Variants in DNAH3 observed in about 807,000 individuals in gnomAD.
DNAH3 encodes the protein dynein axonemal heavy chain 3, also known as axonemal beta dynein heavy chain 3.
In DNAH3, 332 loss-of-function variants were observed where a neutral mutation model predicts 432.5. The observed-to-expected ratio is 0.77, with a 90% CI of 0.70 to 0.84. The LOEUF (loss-of-function observed/expected upper bound fraction) is 0.84. Among genes scored for constraint, DNAH3 ranks in the 40% least tolerant of loss-of-function variants. DNAH3 has a pLI of 0.00. For missense variants in DNAH3, 4,861 were observed against 5,114.0 expected (o/e 0.95, Z 1.51); for synonymous variants, 1,956 against 1,900.2 (o/e 1.03, Z -0.76).
At chr16:21,099,284 G>C (rs912057307) in intron 16 of DNAH3, among the ~76,000 whole-genome samples, 1 of 149,380 alleles carries the variant, frequency 6.7e-6, no homozygotes, top group Non-Finnish European at 1.5e-5. Flanking sequence ...ACAGATGGAT[G>C]GATGGATGAA....
At chr16:21,107,841 A>G (rs1300741337) in intron 14 of DNAH3, among the ~76,000 whole-genome samples, 1 of 151,868 alleles carries the variant, frequency 6.6e-6, no homozygotes, top group African/African-American at 2.4e-5. Context: ...TAGTTTTGTT[A>G]TTATTACTTG....
chr16:21,084,105 C>T (rs1035188631), intron 19 of DNAH3, among the ~76,000 whole-genome samples: 3 of 152,064 alleles, frequency 2.0e-5, no homozygotes, highest in African/African-American at 4.8e-5. Context: ...CCCTTTCCCA[C>T]CACCAACTAG....
At chr16:20,994,112 C>G (rs2086666014) in intron 44 of DNAH3, among the ~76,000 whole-genome samples, 1 of 151,922 alleles carries the variant, frequency 6.6e-6, no homozygotes, top group African/African-American at 2.4e-5. Flanking sequence ...CTCTCAAATC[C>G]TTTTAATCCT....
At position 21,147,051 on chromosome 16, in the gene DNAH3, C is replaced by T. The variant is rs147360333; in HGVS notation, c.118-963G>A. Among the ~76,000 whole-genome samples the T allele has an allele frequency of 4.3e-3, 651 of 152,196 alleles. 1 individual carries two copies. The highest frequency in any genetic ancestry group is 7.3e-3 in the Non-Finnish European group (494 of 68,022). ...CTGGGATTACAGGCATGAGCCACCACGCCCGGCCCCTGCTTCATTTTTTAA... is the reference window on the plus strand; with the variant it reads ...CTGGGATTACAGGCATGAGCCACCATGCCCGGCCCCTGCTTCATTTTTTAA... On this transcript the variant is annotated intron_variant, in intron 1 of 61. Coordinates refer to ENST00000261383, the Ensembl canonical transcript of DNAH3.
rs941289345 is a variant in DNAH3 at position 21,067,379 on chromosome 16, C to T, written c.3422G>A (p.Arg1141Gln). 11 of 1,613,826 alleles carry T rather than the reference C, an allele frequency of 6.8e-6. No homozygotes were observed. Among genetic ancestry groups the T allele is most frequent in the African/African-American group, 6.7e-5 (5 of 74,902 alleles). ...GGCTTCTTGAAGCTTCTCTGCCATC[C>T]GTGGCTGGTCGGCTGCCACCAGAAT... Residue 1141 changes from arginine (R) to glutamine (Q), a missense_variant, in exon 24 of 62, where the codon CGG (arginine) becomes CAG (glutamine). Coordinates refer to ENST00000261383, the Ensembl canonical transcript of DNAH3.
At position 21,009,893 on chromosome 16, in the gene DNAH3, A is replaced by AAGAGG. The variant is rs35449316; in HGVS notation, c.6023-6691_6023-6687dup. Among the ~76,000 whole-genome samples the AAGAGG allele has an allele frequency of 1.6e-3, 193 of 117,280 alleles. 1 individual carries two copies. The highest frequency in any genetic ancestry group is 5.6e-3 in the African/African-American group (150 of 26,888). The allele number at this position is 117,280 out of a possible 152,430, so 76.9% of individuals were successfully genotyped here. A position where few individuals can be genotyped will look rare whatever the true frequency, so the allele number is the denominator to read the frequency against. ...GAATGAGGCTCTGTCAAGAAAAGAAAAGAGGAGAGGAGAGGAGAGGAGGGG... is the reference window on the plus strand; with the variant it reads ...GAATGAGGCTCTGTCAAGAAAAGAAAAGAGGAGAGGAGAGGAGAGGAGAGGAGGGG... On this transcript the variant is annotated intron_variant, in intron 41 of 61. Transcript: ENST00000261383.
At chr16:20,951,104 G>A (rs574712132) in intron 56 of DNAH3, among the ~76,000 whole-genome samples, 4 of 151,982 alleles carry the variant, frequency 2.6e-5, no homozygotes, top group South Asian at 2.1e-4. Context: ...ATGACCCACC[G>A]CACAGAGCCT....
intron 44 of DNAH3, among the ~76,000 whole-genome samples, chr16:20,989,331 C>G (rs35046733): frequency 0.088 from 13,357 of 151,826 alleles, 782 homozygotes; most frequent in Non-Finnish European, 0.13. Flanking sequence ...CAGCTAGATA[C>G]AGAGTGTTGA....
intron 36 of DNAH3, among the ~76,000 whole-genome samples, chr16:21,031,636 T>C (rs1386393487): frequency 6.6e-6 from 1 of 151,974 alleles, no homozygotes; most frequent in Non-Finnish European, 1.5e-5. Flanking sequence ...GACATCTGGA[T>C]AGGCAATGCC....
intron 41 of DNAH3, among the ~76,000 whole-genome samples, chr16:21,004,765 T>C (rs895994994): frequency 1.3e-5 from 2 of 151,892 alleles, no homozygotes; most frequent in East Asian, 3.9e-4. Context: ...CCCCTCTTCC[T>C]TCTTTGGAGT....
At chr16:20,972,270 G>A (rs1057023161) in intron 51 of DNAH3, among the ~76,000 whole-genome samples, 8 of 148,964 alleles carry the variant, frequency 5.4e-5, no homozygotes, top group Admixed American at 2.7e-4. Context: ...ATCTTACTCC[G>A]TTGTCCAGGC....
intron 20 of DNAH3, among the ~76,000 whole-genome samples, chr16:21,079,014 A>C (rs1016925558): frequency 6.6e-6 from 1 of 152,264 alleles, no homozygotes; most frequent in African/African-American, 2.4e-5. Context: ...CAACTTAGCC[A>C]AGATGCTTCC....
intron 21 of DNAH3, among the ~76,000 whole-genome samples, chr16:21,074,815 A>AC (rs1255511567): frequency 1.3e-5 from 2 of 152,116 alleles, no homozygotes; most frequent in African/African-American, 4.8e-5. Flanking sequence ...CCTCATCCCT[A>AC]CCTCACACCC....
At chr16:21,129,754 C>T (rs2092518834) in intron 7 of DNAH3, among the ~76,000 whole-genome samples, 3 of 142,662 alleles carry the variant, frequency 2.1e-5, no homozygotes. Context: ...AAAACAAATG[C>T]ACCCTGGTGT....
chr16:21,066,768 A>C (rs2090565830), intron 24 of DNAH3, among the ~76,000 whole-genome samples: 1 of 152,220 alleles, frequency 6.6e-6, no homozygotes, highest in Non-Finnish European at 1.5e-5. Flanking sequence ...CAGAAACTAC[A>C]AAATTTGATG....
Position 21,106,642 on chromosome 16 carries a change from TTGTC to T in DNAH3, c.2128_2131del (p.Asp710LysfsTer19). 1 of 1,604,066 alleles carries T rather than the reference TTGTC, an allele frequency of 6.2e-7. No individual in the cohort carries two copies. The highest frequency in any genetic ancestry group is 8.5e-7 in the Non-Finnish European group (1 of 1,173,120). On this transcript the variant is annotated frameshift_variant, in exon 15 of 62. Coordinates refer to ENST00000261383, the Ensembl canonical transcript of DNAH3. LOFTEE classifies it high-confidence loss of function. ...AGTGTTGGCAGGAACCTCACTGACTTTGTCTGCGATGTGGCTGTACTGATTACAA... is the reference window on the plus strand; with the variant it reads ...AGTGTTGGCAGGAACCTCACTGACTTTGCGATGTGGCTGTACTGATTACAA...
At position 20,933,762 on chromosome 16, in the gene DNAH3, AAC is replaced by A. The variant is rs1305037637; in HGVS notation, c.11998-257_11998-256del. 7.9e-5 allele frequency among the ~76,000 whole-genome samples: 12 copies of A among 152,344 alleles called. No individual in the cohort carries two copies. In the East Asian group the frequency reaches 2.3e-3, roughly 29 times the overall value. Reference sequence around the variant, plus strand: ...ACTCAAGTAGGAGTCACATTATTCTAACACATTACCTCTAACTAGCTTAGTGA... The same window carrying A: ...ACTCAAGTAGGAGTCACATTATTCTAACATTACCTCTAACTAGCTTAGTGA... On this transcript the variant is annotated intron_variant, in intron 61 of 61. Transcript: ENST00000261383.
At chr16:21,147,746 A>T (rs1302092075) in intron 1 of DNAH3, among the ~76,000 whole-genome samples, 1 of 152,228 alleles carries the variant, frequency 6.6e-6, no homozygotes, top group Non-Finnish European at 1.5e-5. Flanking sequence ...AATCACTCTC[A>T]GATTCCAAGT....
exon 60 of DNAH3, chr16:20,936,714 A>G (rs1413308871): frequency 2.5e-6 from 4 of 1,609,488 alleles, no homozygotes; most frequent in Non-Finnish European, 3.4e-6. Context: ...AGTGATGGGT[A>G]AGACTTGGCT....
Sources: gnomAD v4.1 joint callset for allele counts (sites outside exome capture counted in the v4.1 genomes callset) on GRCh38, gnomAD v4.1.1 for gene constraint, MANE v1.5 for transcripts, NCBI Gene and HGNC (gene_info 2026-07-23, HGNC 2026-07-21) for gene names.